MYH15: variants seen among roughly 807,000 people sequenced by gnomAD.
The protein encoded by MYH15 is myosin heavy chain 15.
A neutral mutation model predicts 240.5 loss-of-function variants in MYH15; 227 were observed. That is an observed-to-expected ratio of 0.94 (90% CI 0.85 to 1.05). The LOEUF (loss-of-function observed/expected upper bound fraction) is 1.05, where lower values mean the gene tolerates loss of function less well. Ranked by LOEUF, MYH15 falls within the 50% of genes least tolerant of loss-of-function variation. The pLI is 0.00. For synonymous variants in MYH15, 785 were observed against 796.7 expected (o/e 0.99, Z 0.25); for missense variants, 2,217 against 2,247.5 (o/e 0.99, Z 0.27).
At chr3:108,528,589 G>A (rs1370187034) in intron 1 of MYH15, among the ~76,000 whole-genome samples, 1 of 152,158 alleles carries the variant, frequency 6.6e-6, no homozygotes, top group Non-Finnish European at 1.5e-5. Flanking sequence ...TCCAAAAGCA[G>A]TAAACTCCCA....
upstream of MYH15, among the ~76,000 whole-genome samples, chr3:108,532,679 C>A (rs2107282365): frequency 6.6e-6 from 1 of 152,232 alleles, no homozygotes; most frequent in South Asian, 2.1e-4. Context: ...CTCTGCAGAA[C>A]CTTGACTAAT....
In MYH15 at chr3:108,428,468, C is replaced by T. The variant is rs536422093; in HGVS notation, c.3702+24G>A. ...CCCTACTTCCATGTTCAGAAGACCACGAGGATGGCATGGGAGTATCTACCT... is the reference window on the plus strand; with the variant it reads ...CCCTACTTCCATGTTCAGAAGACCATGAGGATGGCATGGGAGTATCTACCT... On this transcript the variant is annotated intron_variant, in intron 27 of 40. Transcript: ENST00000693548. The T allele has an allele frequency of 7.5e-5, 119 of 1,578,372 alleles. No homozygotes were observed. The South Asian group carries it at 1.1e-3, about 15-fold the overall frequency.
chr3:108,532,682 T>C (rs1272772089), upstream of MYH15, among the ~76,000 whole-genome samples: 1 of 152,186 alleles, frequency 6.6e-6, no homozygotes, highest in Non-Finnish European at 1.5e-5. Context: ...TGCAGAACCT[T>C]GACTAATATG....
At chr3:108,526,679 C>T (rs2083674536) in intron 1 of MYH15, among the ~76,000 whole-genome samples, 1 of 152,148 alleles carries the variant, frequency 6.6e-6, no homozygotes, top group Non-Finnish European at 1.5e-5. Flanking sequence ...AAATATCCAT[C>T]CATTAACACT....
At chr3:108,451,206 C>A (rs1333860954) in intron 21 of MYH15, among the ~76,000 whole-genome samples, 1 of 152,072 alleles carries the variant, frequency 6.6e-6, no homozygotes, top group African/African-American at 2.4e-5. Context: ...ATGGTGAAAC[C>A]TTATCTCTAC....
intron 21 of MYH15, among the ~76,000 whole-genome samples, chr3:108,445,860 A>G (rs1015286379): frequency 6.6e-6 from 1 of 152,166 alleles, no homozygotes; most frequent in Admixed American, 6.5e-5. Flanking sequence ...AGACCAAATA[A>G]AATGTCTAAA....
At chr3:108,459,302 C>A in intron 18 of MYH15, 60 bp downstream of exon 18, 1 of 1,040,904 alleles carries the variant, frequency 9.6e-7, no homozygotes, top group South Asian at 1.5e-5. Flanking sequence ...AAAAGATATT[C>A]AATATAGCTA....
chr3:108,392,706 G>A (rs1033786611), intron 36 of MYH15, among the ~76,000 whole-genome samples: 4 of 152,202 alleles, frequency 2.6e-5, no homozygotes, highest in Non-Finnish European at 5.9e-5. Flanking sequence ...ACTGTGGGAG[G>A]CTTGGAGGCT....
intron 35 of MYH15, among the ~76,000 whole-genome samples, chr3:108,395,252 G>C (rs1266764614): frequency 6.6e-6 from 1 of 152,230 alleles, no homozygotes; most frequent in African/African-American, 2.4e-5. Context: ...CTGAGTGACA[G>C]AGTGAGACTC....
chr3:108,444,340 G>A (rs1220802885), intron 22 of MYH15, among the ~76,000 whole-genome samples: 1 of 151,976 alleles, frequency 6.6e-6, no homozygotes, highest in Non-Finnish European at 1.5e-5. Context: ...TTGCTAATGG[G>A]TCATGGGCTA....
At chr3:108,509,991 A>T (rs2083509405) in intron 1 of MYH15, among the ~76,000 whole-genome samples, 1 of 152,186 alleles carries the variant, frequency 6.6e-6, no homozygotes, top group Non-Finnish European at 1.5e-5. Context: ...AGAGCCAGAG[A>T]CAACTTCAAA....
chr3:108,518,855 A>G (rs770612609), intron 1 of MYH15, among the ~76,000 whole-genome samples: 46 of 152,302 alleles, frequency 3.0e-4, no homozygotes, highest in Non-Finnish European at 6.2e-4. Flanking sequence ...TACTTGCATC[A>G]TGATAATTTT....
intron 31 of MYH15, 52 bp from the exon 32 acceptor site, chr3:108,408,456 C>G (rs772348586): frequency 6.5e-7 from 1 of 1,537,658 alleles, no homozygotes; most frequent in South Asian, 1.3e-5. Context: ...CAGTCTCAAA[C>G]CAATGATACC....
intron 11 of MYH15, among the ~76,000 whole-genome samples, chr3:108,479,002 A>G (rs1261689582): frequency 1.3e-5 from 2 of 152,226 alleles, no homozygotes; most frequent in Non-Finnish European, 2.9e-5. Flanking sequence ...TACATTATAC[A>G]TCACATATGT....
intron 1 of MYH15, 146 bp downstream of exon 1, chr3:108,510,297 A>G: frequency 1.9e-6 from 2 of 1,061,790 alleles, no homozygotes. Flanking sequence ...GAGGCCCTCA[A>G]TTGCTCAGTT....
intron 30 of MYH15, 27 bp downstream of exon 30, chr3:108,414,205 G>A: frequency 6.2e-7 from 1 of 1,605,086 alleles, no homozygotes; most frequent in Non-Finnish European, 8.5e-7. Context: ...AGTAACTCCA[G>A]GTTAAGGATA....
At chr3:108,536,539 G>T in the MYH15 span, among the ~76,000 whole-genome samples, 1 of 152,190 alleles carries the variant, frequency 6.6e-6, no homozygotes, top group Non-Finnish European at 1.5e-5. Context: ...TACAGGTAAG[G>T]AGGGGAGAAA....
chr3:108,467,922 T>C lies in MYH15; in HGVS notation c.1554+2120A>G, dbSNP rs549147068. Reference sequence around the variant, plus strand: ...GTAAACTTGAAGACCAAATTAACAATTAAAGTTTGTGTTAGAATACATTTT... The same window carrying C: ...GTAAACTTGAAGACCAAATTAACAACTAAAGTTTGTGTTAGAATACATTTT... On this transcript the variant is annotated intron_variant, in intron 14 of 40. Coordinates refer to ENST00000693548, the MANE Select transcript of MYH15 (RefSeq NM_014981.3). Among the ~76,000 whole-genome samples, 4 of 152,204 alleles carry C rather than the reference T, an allele frequency of 2.6e-5. No individual in the cohort carries two copies. The East Asian group carries it at 7.7e-4, about 29-fold the overall frequency.
At chr3:108,391,713 T>A in intron 37 of MYH15, 47 bp downstream of exon 37, 5 of 1,565,552 alleles carry the variant, frequency 3.2e-6, no homozygotes, top group African/African-American at 1.4e-5. Context: ...GACAAAGAGG[T>A]CTTGAATTGG....
Sources: gnomAD v4.1 joint callset for allele counts (sites outside exome capture counted in the v4.1 genomes callset) on GRCh38, gnomAD v4.1.1 for gene constraint, MANE v1.5 for transcripts, NCBI Gene and HGNC (gene_info 2026-07-23, HGNC 2026-07-21) for gene names.